ATP8A1: variants seen among roughly 807,000 people sequenced by gnomAD.
ATP8A1 encodes phospholipid-transporting ATPase IA.
ATP8A1 carries 90 observed loss-of-function variants against 177.7 expected under a neutral mutation model. The observed-to-expected ratio is 0.51, with a 90% CI of 0.43 to 0.60. The LOEUF (loss-of-function observed/expected upper bound fraction) is 0.60. ATP8A1 is among the 20% of genes least tolerant of loss of function. The probability of loss-of-function intolerance (pLI) is 0.00; values close to 1 mark genes in which losing one functional copy is unlikely to be tolerated. For missense variants in ATP8A1, 1,072 were observed against 1,392.8 expected (o/e 0.77, Z 3.67); for synonymous variants, 493 against 485.9 (o/e 1.01, Z -0.19).
At chr4:42,647,166 C>T (rs998601853) in intron 1 of ATP8A1, among the ~76,000 whole-genome samples, 8 of 152,146 alleles carry the variant, frequency 5.3e-5, no homozygotes, top group Non-Finnish European at 1.2e-4. Context: ...TTTATACACA[C>T]GTGACTGCCT....
At chr4:42,456,761 T>C (rs924603538) in intron 27 of ATP8A1, among the ~76,000 whole-genome samples, 1 of 152,058 alleles carries the variant, frequency 6.6e-6, no homozygotes, top group Non-Finnish European at 1.5e-5. Flanking sequence ...ACTACAAAAC[T>C]GTTAGAGGAG....
At chr4:42,637,457 T>C (rs1308506431) in intron 1 of ATP8A1, among the ~76,000 whole-genome samples, 3 of 152,216 alleles carry the variant, frequency 2.0e-5, no homozygotes, top group African/African-American at 7.2e-5. Flanking sequence ...CCATCTGAGT[T>C]ATAACAAACA....
At chr4:42,638,052 T>C (rs909062385) in intron 1 of ATP8A1, among the ~76,000 whole-genome samples, 1 of 152,178 alleles carries the variant, frequency 6.6e-6, no homozygotes, top group Non-Finnish European at 1.5e-5. Flanking sequence ...TACTCTAATA[T>C]GGGGAAGTAA....
intron 16 of ATP8A1, among the ~76,000 whole-genome samples, chr4:42,555,126 T>G (rs951692811): frequency 1.3e-5 from 1 of 79,890 alleles, no homozygotes; most frequent in South Asian, 4.0e-4. Flanking sequence ...TCTATCTATC[T>G]ATCTATCTAT....
chr4:42,456,839 G>A (rs562010330), intron 27 of ATP8A1, among the ~76,000 whole-genome samples: 15 of 152,134 alleles, frequency 9.9e-5, no homozygotes, highest in Admixed American at 5.2e-4. Flanking sequence ...TACACTTCAC[G>A]TTTCATTTAA....
intron 16 of ATP8A1, among the ~76,000 whole-genome samples, chr4:42,555,218 CTAGAGA>C (rs1730079551): frequency 6.9e-5 from 10 of 145,552 alleles, no homozygotes; most frequent in Non-Finnish European, 9.1e-5. Context: ...CTGCCCCCCC[CTAGAGA>C]ACCCTAATAC....
chr4:42,534,477 A>T lies in ATP8A1; in HGVS notation c.1722+9440T>A, dbSNP rs189818370. 1.4e-3 allele frequency among the ~76,000 whole-genome samples: 206 copies of T among 152,048 alleles called. 1 individual carries two copies. Among genetic ancestry groups the T allele is most frequent in the African/African-American group, 4.6e-3 (192 of 41,426 alleles). On this transcript the variant is annotated intron_variant, in intron 20 of 36. Transcript: ENST00000381668. The stretch of plus-strand genomic sequence containing the variant: ...GACAAAGATAAAGAAAAAAGAATTT[A>T]AAAAAAATGAACAAAGCCTCCAACA...
rs1032489541 is a variant in ATP8A1 at position 42,422,825 on chromosome 4, G to C, written c.3287C>G (p.Ala1096Gly). Residue 1096 changes from alanine to glycine, a missense_variant, in exon 35 of 37, where the codon GCA becomes GGA. Around this residue, in one of 5 missense-constraint regions of ATP8A1, gnomAD observed 316 missense variants for 459.1 expected, o/e 0.69. Transcript: ENST00000381668. Reference protein sequence around the residue: ...ELEAKSQDPGAVVLGKSLTER... With the variant: ...ELEAKSQDPGGVVLGKSLTER... ...ATTTTACCTTTTTCCAAGTACAACT[G>C]CTCCTGGGTCTTGAGATTTTGCCTC... 2.5e-6 allele frequency: 4 copies of C among 1,612,594 alleles called. No individual in the cohort carries two copies. The highest frequency in any genetic ancestry group is 3.4e-6 in the Non-Finnish European group (4 of 1,179,548).
At chr4:42,640,491 G>A (rs552454604) in intron 1 of ATP8A1, among the ~76,000 whole-genome samples, 1 of 152,304 alleles carries the variant, frequency 6.6e-6, no homozygotes, top group South Asian at 2.1e-4. Flanking sequence ...GTGGTGACTG[G>A]TGGGGATCAG....
intron 1 of ATP8A1, among the ~76,000 whole-genome samples, chr4:42,643,826 A>G (rs866829149): frequency 6.6e-6 from 1 of 152,208 alleles, no homozygotes; most frequent in Non-Finnish European, 1.5e-5. Flanking sequence ...GACATGCTCA[A>G]GGCCGCACAG....
intron 15 of ATP8A1, among the ~76,000 whole-genome samples, chr4:42,563,065 G>T (rs1022646750): frequency 6.6e-6 from 1 of 152,242 alleles, no homozygotes; most frequent in Non-Finnish European, 1.5e-5. Flanking sequence ...ATAGGCAGAG[G>T]TTGAAACAGT....
chr4:42,502,769 G>A lies in ATP8A1; in HGVS notation c.2151+681C>T, dbSNP rs538470075. The stretch of plus-strand genomic sequence containing the variant: ...TACCAAGGTTTTCTCTGTTCTTTGC[G>A]TCATAATGACTATTTTAAGAAGTTG... On this transcript the variant is annotated intron_variant, in intron 24 of 36. Transcript: ENST00000381668. Among the ~76,000 whole-genome samples the A allele has an allele frequency of 7.2e-5, 11 of 152,270 alleles. No individual in the cohort carries two copies. The South Asian group carries it at 1.5e-3, about 20-fold the overall frequency.
chr4:42,428,720 C>A (rs901287642), intron 33 of ATP8A1, among the ~76,000 whole-genome samples: 2 of 152,150 alleles, frequency 1.3e-5, no homozygotes, highest in Non-Finnish European at 2.9e-5. Flanking sequence ...AATACAATTT[C>A]AAGACCTTTC....
At position 42,471,023 on chromosome 4, in the gene ATP8A1, G is replaced by A. The variant is rs538793606; in HGVS notation, c.2325-5947C>T. On this transcript the variant is annotated intron_variant, in intron 25 of 36. Coordinates refer to ENST00000381668, the MANE Select transcript of ATP8A1 (RefSeq NM_006095.2). ...ATCCTTCTGAACTAAAATTTGGCAGGTTCATTTATAAAATTTCACATTGAG... is the reference window on the plus strand; with the variant it reads ...ATCCTTCTGAACTAAAATTTGGCAGATTCATTTATAAAATTTCACATTGAG... Among the ~76,000 whole-genome samples, 7 of 152,038 alleles carry A rather than the reference G, an allele frequency of 4.6e-5. No homozygotes were observed. The East Asian group carries it at 9.7e-4, about 21-fold the overall frequency.
chr4:42,456,809 C>T (rs1481227881), intron 27 of ATP8A1, among the ~76,000 whole-genome samples: 1 of 152,080 alleles, frequency 6.6e-6, no homozygotes, highest in East Asian at 1.9e-4. Context: ...ATTTTTGAAT[C>T]AGAGTTGCAG....
chr4:42,463,808 C>T (rs1297214124), intron 27 of ATP8A1, among the ~76,000 whole-genome samples: 1 of 152,204 alleles, frequency 6.6e-6, no homozygotes, highest in Non-Finnish European at 1.5e-5. Flanking sequence ...TTTTCATCAT[C>T]TGAACTCTTG....
rs954585721 is a variant in ATP8A1 at position 42,473,392 on chromosome 4, C to T, written c.2325-8316G>A. 3.9e-5 allele frequency among the ~76,000 whole-genome samples: 6 copies of T among 152,148 alleles called. No homozygotes were observed. In the South Asian group the frequency reaches 6.2e-4, roughly 16 times the overall value. ...CAGAAATTTTTCCTGCATGGATCAA[C>T]GCCATGCCACCTCTCTATTTAGGGA... On this transcript the variant is annotated intron_variant, in intron 25 of 36. Coordinates refer to ENST00000381668, the MANE Select transcript of ATP8A1 (RefSeq NM_006095.2).
Position 42,627,025 on chromosome 4 carries a change from TG to T in ATP8A1, c.133del (p.Gln45SerfsTer2), listed in dbSNP as rs751111217. ...EVRTIFINQP[Q>X]LTKFCNNHVS... is the part of the protein sequence containing the mutation. Reference sequence around the variant, plus strand: ...ATGGTTATTGCAGAATTTTGTCAGCTGGGGCTGGTTGATGAAAATAGTCCTT... The same window carrying T: ...ATGGTTATTGCAGAATTTTGTCAGCTGGGCTGGTTGATGAAAATAGTCCTT... On this transcript the variant is annotated frameshift_variant, in exon 2 of 37. Transcript: ENST00000381668. LOFTEE classifies it high-confidence loss of function. 8 of 1,614,004 alleles carry T rather than the reference TG, an allele frequency of 5.0e-6. No homozygotes were observed. The highest frequency in any genetic ancestry group is 6.8e-6 in the Non-Finnish European group (8 of 1,179,978).
At chr4:42,428,541 A>C (rs1714892395) in intron 33 of ATP8A1, among the ~76,000 whole-genome samples, 1 of 152,154 alleles carries the variant, frequency 6.6e-6, no homozygotes, top group Admixed American at 6.5e-5. Flanking sequence ...CCCAGTCCAA[A>C]TAATTTGCCT....
Sources: gnomAD v4.1 joint callset for allele counts (sites outside exome capture counted in the v4.1 genomes callset) on GRCh38, gnomAD v4.1.1 for gene constraint, gnomAD v4.1.1 regional missense constraint, MANE v1.5 for transcripts, NCBI Gene and HGNC (gene_info 2026-07-23, HGNC 2026-07-21) for gene names.